Variants in PMFBP1 observed in about 807,000 individuals in gnomAD.
PMFBP1 encodes the protein polyamine modulated factor 1 binding protein 1, also known as polyamine-modulated factor 1-binding protein 1.
Under a neutral mutation model 137.8 loss-of-function variants are expected in PMFBP1, and 131 were observed. The observed-to-expected ratio is 0.95, with a 90% CI of 0.82 to 1.10. The LOEUF (loss-of-function observed/expected upper bound fraction) is 1.10, where lower values mean the gene tolerates loss of function less well. Among genes scored for constraint, PMFBP1 ranks in the 50% least tolerant of loss-of-function variants. The probability of loss-of-function intolerance (pLI) is 0.00; values close to 1 mark genes in which losing one functional copy is unlikely to be tolerated. For missense variants in PMFBP1, 1,199 were observed against 1,175.4 expected, an observed-to-expected ratio of 1.02 and a Z score of -0.29; for synonymous variants, 490 against 450.4, an observed-to-expected ratio of 1.09 and a Z score of -1.11.
At chr16:72,165,017 T>A (rs2043124517) in intron 2 of PMFBP1, 101 bp from the exon 3 acceptor site, 1 of 1,310,834 alleles carries the variant, frequency 7.6e-7, no homozygotes, top group African/African-American at 1.5e-5. Flanking sequence ...TTGCTGGAAA[T>A]TTGTCCATCA....
chr16:72,190,061 C>T, the PMFBP1 span, among the ~76,000 whole-genome samples: 7 of 152,158 alleles, frequency 4.6e-5, no homozygotes, highest in South Asian at 2.1e-4. Context: ...ACACTAGCAA[C>T]GTTATCTATA....
chr16:72,165,508 G>A (rs762263346), intron 2 of PMFBP1, among the ~76,000 whole-genome samples: 1 of 151,256 alleles, frequency 6.6e-6, no homozygotes, highest in Non-Finnish European at 1.5e-5. Flanking sequence ...TCCGCCTCCC[G>A]GGTTTACTTA....
the PMFBP1 span, among the ~76,000 whole-genome samples, chr16:72,185,845 C>T: frequency 6.6e-6 from 1 of 152,154 alleles, no homozygotes; most frequent in Non-Finnish European, 1.5e-5. Flanking sequence ...GTCCACATGG[C>T]CAGCACACAC....
At chr16:72,179,444 A>G (rs1317734395), upstream of PMFBP1, among the ~76,000 whole-genome samples, 1 of 152,188 alleles carries the variant, frequency 6.6e-6, no homozygotes. Flanking sequence ...CTCATCCGCA[A>G]TGCAGATTCT....
the PMFBP1 span, among the ~76,000 whole-genome samples, chr16:72,229,851 G>A: frequency 1.3e-4 from 20 of 151,968 alleles, no homozygotes; most frequent in African/African-American, 2.4e-4. Flanking sequence ...TTTTTTTTGC[G>A]GTGCCTGATT....
the PMFBP1 span, among the ~76,000 whole-genome samples, chr16:72,182,161 AC>A: frequency 1.3e-5 from 2 of 152,174 alleles, no homozygotes; most frequent in South Asian, 4.1e-4. Context: ...TCTCCTGGTC[AC>A]CGGCATATCT....
intron 6 of PMFBP1, 152 bp downstream of exon 6, chr16:72,140,260 G>T: frequency 1.3e-6 from 1 of 773,760 alleles, no homozygotes; most frequent in Non-Finnish European, 2.1e-6. Context: ...TTACCATGGA[G>T]AATATGAACA....
chr16:72,192,688 C>T, the PMFBP1 span, among the ~76,000 whole-genome samples: 168 of 151,900 alleles, frequency 1.1e-3, 1 homozygote, highest in South Asian at 8.9e-3. Flanking sequence ...GACCATCCCA[C>T]GTCAGGAGAT....
chr16:72,247,817 T>A, the PMFBP1 span, among the ~76,000 whole-genome samples: 1 of 152,336 alleles, frequency 6.6e-6, no homozygotes, highest in South Asian at 2.1e-4. Flanking sequence ...TTTATTTTTA[T>A]CCTGTTTAAT....
chr16:72,182,397 G>A, the PMFBP1 span, among the ~76,000 whole-genome samples: 1 of 151,412 alleles, frequency 6.6e-6, no homozygotes, highest in Non-Finnish European at 1.5e-5. Flanking sequence ...TTGAGAGGCT[G>A]AGGCACGAGA....
At chr16:72,149,393 A>G (rs1363225439) in intron 5 of PMFBP1, among the ~76,000 whole-genome samples, 1 of 152,228 alleles carries the variant, frequency 6.6e-6, no homozygotes. Context: ...TGACCCAGCA[A>G]TCACACTTCA....
chr16:72,235,613 G>C, the PMFBP1 span, among the ~76,000 whole-genome samples: 1 of 151,322 alleles, frequency 6.6e-6, no homozygotes, highest in African/African-American at 2.4e-5. Flanking sequence ...TGGGAAATAC[G>C]GTCATCTTGA....
At chr16:72,217,127 G>C in the PMFBP1 span, among the ~76,000 whole-genome samples, 1 of 152,134 alleles carries the variant, frequency 6.6e-6, no homozygotes, top group South Asian at 2.1e-4. Flanking sequence ...GTGCATCTAG[G>C]TGAAGCCACA....
chr16:72,214,076 A>G, the PMFBP1 span, among the ~76,000 whole-genome samples: 1 of 152,226 alleles, frequency 6.6e-6, no homozygotes, highest in Non-Finnish European at 1.5e-5. Context: ...TATGTTGTGT[A>G]TAAGTGTGGA....
In PMFBP1 at chr16:72,154,466, T is replaced by C; in HGVS notation, c.166-7A>G. On this transcript the variant is annotated splice_polypyrimidine_tract_variant and splice_region_variant and intron_variant, in intron 3 of 20. Transcript: ENST00000237353. ...CCTGTGCTTGCTTCTTGTCCTACCA[T>C]AGAGACAGGATATACAAAAAAGGCT... 5.6e-6 allele frequency: 9 copies of C among 1,612,922 alleles called. No individual in the cohort carries two copies. The highest frequency in any genetic ancestry group is 7.6e-6 in the Non-Finnish European group (9 of 1,179,018).
the PMFBP1 span, among the ~76,000 whole-genome samples, chr16:72,241,622 T>G: frequency 1.3e-5 from 2 of 152,150 alleles, no homozygotes; most frequent in South Asian, 4.1e-4. Context: ...TTTAAATGAT[T>G]CCAGAAATAA....
downstream of PMFBP1, among the ~76,000 whole-genome samples, chr16:72,117,181 A>G (rs2042316631): frequency 6.6e-6 from 1 of 152,040 alleles, no homozygotes; most frequent in Non-Finnish European, 1.5e-5. Flanking sequence ...AATTTCTCTC[A>G]GTAATGTTTT....
the PMFBP1 span, among the ~76,000 whole-genome samples, chr16:72,199,499 C>G: frequency 6.6e-6 from 1 of 151,748 alleles, no homozygotes. Context: ...ACTAAAAATA[C>G]AAAAATTAGC....
At chr16:72,155,950 A>G (rs1005802637) in intron 3 of PMFBP1, among the ~76,000 whole-genome samples, 7 of 152,110 alleles carry the variant, frequency 4.6e-5, no homozygotes, top group African/African-American at 9.7e-5. Context: ...ATGGAATTGT[A>G]TAATATGTCA....
Sources: gnomAD v4.1 joint callset for allele counts (sites outside exome capture counted in the v4.1 genomes callset) on GRCh38, gnomAD v4.1.1 for gene constraint, MANE v1.5 for transcripts, NCBI Gene and HGNC (gene_info 2026-07-23, HGNC 2026-07-21) for gene names.